The following NTNG1 variants were observed in gnomAD, a reference collection of about 807,000 sequenced individuals.
The protein encoded by NTNG1 is netrin G1, also known as netrin-G1.
In NTNG1, 16 loss-of-function variants were observed where a neutral mutation model predicts 54.0. The ratio of observed to expected loss-of-function variants is 0.30; its 90% CI spans 0.20 to 0.45. The LOEUF is 0.45. Ranked by LOEUF, NTNG1 falls within the 20% of genes least tolerant of loss-of-function variation. The pLI is 1.00. For missense variants in NTNG1, 530 were observed against 678.7 expected (o/e 0.78, Z 2.43); for synonymous variants, 255 against 263.1 (o/e 0.97, Z 0.30).
Position 107,297,288 on chromosome 1 carries a change from T to A in NTNG1, c.247-26994T>A, listed in dbSNP as rs186184208. Among the ~76,000 whole-genome samples, 247 of 146,622 alleles carry A rather than the reference T, an allele frequency of 1.7e-3. 1 individual carries two copies. The highest frequency in any genetic ancestry group is 6.2e-3 in the African/African-American group (245 of 39,458). On this transcript the variant is annotated intron_variant, in intron 2 of 7. Transcript: ENST00000370068. The stretch of plus-strand genomic sequence containing the variant: ...ACACAGCAGTTAAGGATGCATGTTG[T>A]AAATTGAAGATTGAAGAACCTGATG...
intron 7 of NTNG1, among the ~76,000 whole-genome samples, chr1:107,464,669 G>A (rs1011344940): frequency 1.3e-5 from 2 of 152,116 alleles, no homozygotes; most frequent in African/African-American, 4.8e-5. Flanking sequence ...GACAAGAAAA[G>A]TGTTTGTCCA....
At chr1:107,327,977 G>A (rs1668064306) in intron 3 of NTNG1, among the ~76,000 whole-genome samples, 1 of 152,030 alleles carries the variant, frequency 6.6e-6, no homozygotes, top group Admixed American at 6.6e-5. Flanking sequence ...TAGCATTTAT[G>A]TTCTTTTTGG....
chr1:107,326,597 T>C (rs971343314), intron 3 of NTNG1, among the ~76,000 whole-genome samples: 1 of 152,120 alleles, frequency 6.6e-6, no homozygotes, highest in African/African-American at 2.4e-5. Flanking sequence ...TGAATAATGG[T>C]AAAAAATTAA....
chr1:107,233,206 A>G (rs1661185966), intron 2 of NTNG1, among the ~76,000 whole-genome samples: 1 of 152,244 alleles, frequency 6.6e-6, no homozygotes, highest in African/African-American at 2.4e-5. Context: ...TCTTGGAGAT[A>G]GAAGATAAGA....
chr1:107,381,153 C>A (rs1671622361), intron 3 of NTNG1, among the ~76,000 whole-genome samples: 1 of 152,016 alleles, frequency 6.6e-6, no homozygotes, highest in Non-Finnish European at 1.5e-5. Context: ...GATGGTGGCA[C>A]TTGACATGTT....
chr1:107,188,404 A>G (rs942728433), intron 2 of NTNG1, among the ~76,000 whole-genome samples: 1 of 152,012 alleles, frequency 6.6e-6, no homozygotes, highest in Non-Finnish European at 1.5e-5. Context: ...AGCTCTTCAC[A>G]CTCTGCATAA....
At chr1:107,145,466 C>G (rs947368255) in intron 1 of NTNG1, among the ~76,000 whole-genome samples, 1 of 151,944 alleles carries the variant, frequency 6.6e-6, no homozygotes, top group Non-Finnish European at 1.5e-5. Context: ...AGAATGAAAT[C>G]AAATAATTAT....
At chr1:107,436,537 C>A in intron 6 of NTNG1, 128 bp from the exon 7 acceptor site, 3 of 690,980 alleles carry the variant, frequency 4.3e-6, no homozygotes, top group South Asian at 3.7e-5. Context: ...CCATATTTGC[C>A]GAAGCATTTC....
intron 6 of NTNG1, 81 bp downstream of exon 6, chr1:107,430,998 T>TGAGCCACC: frequency 7.5e-7 from 1 of 1,339,434 alleles, no homozygotes; most frequent in Non-Finnish European, 1.0e-6. Context: ...GGCTGGCGAT[T>TGAGCCACC]TGCACCGCGG....
chr1:107,192,196 G>A (rs1263007333), intron 2 of NTNG1, among the ~76,000 whole-genome samples: 1 of 152,080 alleles, frequency 6.6e-6, no homozygotes, highest in African/African-American at 2.4e-5. Flanking sequence ...AAGCAATTGT[G>A]AATGGGATTT....
chr1:107,348,353 T>C (rs538562536), intron 3 of NTNG1, among the ~76,000 whole-genome samples: 1 of 152,270 alleles, frequency 6.6e-6, no homozygotes, highest in African/African-American at 2.4e-5. Flanking sequence ...CTCGAACTCC[T>C]GACTTCAAGT....
At chr1:107,460,424 T>C (rs751548881) in intron 7 of NTNG1, 18 of 518,710 alleles carry the variant, frequency 3.5e-5, no homozygotes, top group African/African-American at 2.9e-4. Context: ...TTTTACACTT[T>C]GGGAAAACTT....
intron 2 of NTNG1, among the ~76,000 whole-genome samples, chr1:107,223,461 G>A (rs929403925): frequency 3.9e-5 from 6 of 152,064 alleles, no homozygotes; most frequent in Non-Finnish European, 8.8e-5. Flanking sequence ...GGCAGGAAGA[G>A]GTTAGGAAGA....
At chr1:107,467,667 G>A (rs1677694902) in intron 7 of NTNG1, among the ~76,000 whole-genome samples, 1 of 152,154 alleles carries the variant, frequency 6.6e-6, no homozygotes, top group African/African-American at 2.4e-5. Flanking sequence ...AGTGTCTCAG[G>A]AATTTGTAAG....
chr1:107,361,070 G>A (rs1406545915), intron 3 of NTNG1, among the ~76,000 whole-genome samples: 17 of 147,296 alleles, frequency 1.2e-4, no homozygotes, highest in Admixed American at 1.1e-3. Flanking sequence ...CCAAAAAAAA[G>A]GCAAAAGATC....
At chr1:107,216,256 C>G (rs1415323158) in intron 2 of NTNG1, among the ~76,000 whole-genome samples, 2 of 152,118 alleles carry the variant, frequency 1.3e-5, no homozygotes, top group African/African-American at 4.8e-5. Flanking sequence ...CAACTTTTCC[C>G]CATTCAAGAT....
Position 107,192,113 on chromosome 1 carries a change from G to A in NTNG1, c.246+43274G>A, listed in dbSNP as rs561985726. Among the ~76,000 whole-genome samples the A allele has an allele frequency of 2.1e-3, 321 of 152,174 alleles. 2 individuals carry two copies. Among genetic ancestry groups the A allele is most frequent in the African/African-American group, 7.4e-3 (308 of 41,522 alleles). Reference sequence around the variant, plus strand: ...TCCTCTTTTATTTCATTGATCAGTGGTTTGTAGTTCTCCTTGAAGAGGTCC... The same window carrying A: ...TCCTCTTTTATTTCATTGATCAGTGATTTGTAGTTCTCCTTGAAGAGGTCC... On this transcript the variant is annotated intron_variant, in intron 2 of 7. Coordinates refer to ENST00000370068, the MANE Select transcript of NTNG1 (RefSeq NM_001113226.3).
At chr1:107,407,340 C>T (rs1673493364) in intron 4 of NTNG1, among the ~76,000 whole-genome samples, 1 of 152,006 alleles carries the variant, frequency 6.6e-6, no homozygotes. Flanking sequence ...TAGTTTGAAC[C>T]ACCTACAAAT....
chr1:107,185,304 T>A (rs1657370271), intron 2 of NTNG1, among the ~76,000 whole-genome samples: 1 of 152,182 alleles, frequency 6.6e-6, no homozygotes, highest in South Asian at 2.1e-4. Context: ...GCACTCCCTG[T>A]GAAGGCTCTG....
Sources: gnomAD v4.1 joint callset for allele counts (sites outside exome capture counted in the v4.1 genomes callset) on GRCh38, gnomAD v4.1.1 for gene constraint, MANE v1.5 for transcripts, NCBI Gene and HGNC (gene_info 2026-07-23, HGNC 2026-07-21) for gene names.